Variants in ARHGAP18 observed in about 807,000 individuals in gnomAD.
ARHGAP18 encodes the protein Rho GTPase activating protein 18.
In ARHGAP18, 67 loss-of-function variants were observed where a neutral mutation model predicts 86.2. That is an observed-to-expected ratio of 0.78 (90% CI 0.64 to 0.95). The LOEUF is 0.95. ARHGAP18 is among the 40% of genes least tolerant of loss of function. The probability of loss-of-function intolerance (pLI) is 0.00; values close to 1 mark genes in which losing one functional copy is unlikely to be tolerated. For missense variants in ARHGAP18, 691 were observed against 780.4 expected (o/e 0.89, Z 1.37); for synonymous variants, 283 against 280.4 (o/e 1.01, Z -0.09).
chr6:129,683,062 T>G (rs1314362415), intron 1 of ARHGAP18, among the ~76,000 whole-genome samples: 9 of 150,662 alleles, frequency 6.0e-5, no homozygotes, highest in Non-Finnish European at 1.0e-4. Flanking sequence ...TTTCTTTTTT[T>G]TTTTTTGTTT....
chr6:129,634,370 A>T (rs953748187), intron 3 of ARHGAP18, among the ~76,000 whole-genome samples: 2 of 152,206 alleles, frequency 1.3e-5, no homozygotes, highest in African/African-American at 2.4e-5. Flanking sequence ...CAAGAATGCT[A>T]CTATGGAGGG....
intron 1 of ARHGAP18, among the ~76,000 whole-genome samples, chr6:129,659,857 G>T (rs902269419): frequency 6.6e-6 from 1 of 152,172 alleles, no homozygotes; most frequent in African/African-American, 2.4e-5. Flanking sequence ...GAAGGGATCC[G>T]TTGAAGGCTC....
intron 13 of ARHGAP18, among the ~76,000 whole-genome samples, chr6:129,581,645 C>A (rs1256893387): frequency 6.6e-6 from 1 of 152,178 alleles, no homozygotes; most frequent in Non-Finnish European, 1.5e-5. Flanking sequence ...TCAACAAATT[C>A]ATCGTTAAAG....
At chr6:129,676,584 T>G (rs561982979) in intron 1 of ARHGAP18, among the ~76,000 whole-genome samples, 9 of 152,272 alleles carry the variant, frequency 5.9e-5, no homozygotes, top group Non-Finnish European at 1.2e-4. Flanking sequence ...GAGCTTAATA[T>G]TATACCCCTT....
chr6:129,701,042 C>A (rs1774702015), intron 1 of ARHGAP18, among the ~76,000 whole-genome samples: 1 of 149,562 alleles, frequency 6.7e-6, no homozygotes, highest in African/African-American at 2.5e-5. Flanking sequence ...CCTCAATGAA[C>A]TTACATCTGA....
intron 5 of ARHGAP18, among the ~76,000 whole-genome samples, chr6:129,625,028 GATATATATTTATATAATATATAT>G (rs1789320992): frequency 1.5e-5 from 1 of 67,524 alleles, no homozygotes; most frequent in Non-Finnish European, 2.7e-5. Flanking sequence ...TATGATATAT[GATATATATTTATATAATATATAT>G]GATTGATATA....
chr6:129,634,036 A>G lies in ARHGAP18; in HGVS notation c.616+6T>C. 1 of 1,609,954 alleles carries G rather than the reference A, an allele frequency of 6.2e-7. No homozygotes were observed. Among genetic ancestry groups the G allele is most frequent in the South Asian group, 1.1e-5 (1 of 90,260 alleles). On this transcript the variant is annotated splice_donor_region_variant and intron_variant, in intron 4 of 14. Coordinates refer to ENST00000368149, the MANE Select transcript of ARHGAP18 (RefSeq NM_033515.3). ...AAAAAAAAACAAGAGAACAGGTTCA[A>G]CATACCATCTCTTCCTTGGTATTTG...
rs77600850 is a variant in ARHGAP18 at position 129,635,331 on chromosome 6, G to A, written c.553-1226C>T. Among the ~76,000 whole-genome samples, 405 of 152,258 alleles carry A rather than the reference G, an allele frequency of 2.7e-3. 3 individuals carry two copies. The highest frequency in any genetic ancestry group is 9.2e-3 in the African/African-American group (382 of 41,534). On this transcript the variant is annotated intron_variant, in intron 3 of 14. Transcript: ENST00000368149. ...CCTAGAAAAGCACTAGGCTAGGGAC[G>A]TCTAGGCTATTAATGCACCACTTAG...
intron 12 of ARHGAP18, among the ~76,000 whole-genome samples, chr6:129,592,488 C>T (rs1368939517): frequency 3.3e-5 from 5 of 152,196 alleles, no homozygotes; most frequent in Admixed American, 6.5e-5. Context: ...CAGCAAGTCA[C>T]GTAAGCTCTC....
At chr6:129,636,884 C>G (rs1773343456) in intron 3 of ARHGAP18, among the ~76,000 whole-genome samples, 1 of 152,146 alleles carries the variant, frequency 6.6e-6, no homozygotes, top group Non-Finnish European at 1.5e-5. Flanking sequence ...CCATCTAGAT[C>G]CGCTGATTTT....
At chr6:129,612,848 A>C (rs564331916) in intron 7 of ARHGAP18, among the ~76,000 whole-genome samples, 7 of 152,332 alleles carry the variant, frequency 4.6e-5, no homozygotes, top group Admixed American at 1.3e-4. Flanking sequence ...GTAAGAACTA[A>C]GCATAGCAGT....
intron 1 of ARHGAP18, among the ~76,000 whole-genome samples, chr6:129,681,377 G>A (rs1306739917): frequency 6.6e-6 from 1 of 152,264 alleles, no homozygotes; most frequent in South Asian, 2.1e-4. Flanking sequence ...CGCCCAGCTA[G>A]AAGTATTTCT....
intron 1 of ARHGAP18, chr6:129,661,996 C>A (rs1162586824): frequency 1.2e-6 from 1 of 848,768 alleles, no homozygotes; most frequent in African/African-American, 1.8e-5. Context: ...ACACACAGAA[C>A]ACAAAGCCCC....
chr6:129,702,740 C>T (rs72988835), intron 1 of ARHGAP18, among the ~76,000 whole-genome samples: 8,211 of 152,272 alleles, frequency 0.054, 367 homozygotes, highest in East Asian at 0.22. Flanking sequence ...TGGCTCACGC[C>T]TGTAATCCCA....
In ARHGAP18 at chr6:129,577,312, AG is replaced by A. The variant is rs1490811130; in HGVS notation, c.*1200del. 6.6e-6 allele frequency: 1 copy of A among 152,188 alleles called. No individual in the cohort carries two copies. The highest frequency in any genetic ancestry group is 1.5e-5 in the Non-Finnish European group (1 of 68,024). 9.4% of individuals were successfully genotyped at this position (152,188 alleles called of 1,614,324 possible). The stretch of plus-strand genomic sequence containing the variant: ...TAGTTTTTCCTAAAGTACTACTAAA[AG>A]TATCATGAACACCGTTTGTGCAGCA... On this transcript the variant is annotated 3_prime_UTR_variant, in exon 15 of 15. Coordinates refer to ENST00000368149, the MANE Select transcript of ARHGAP18 (RefSeq NM_033515.3).
At chr6:129,636,886 G>C (rs1342014794) in intron 3 of ARHGAP18, among the ~76,000 whole-genome samples, 1 of 152,116 alleles carries the variant, frequency 6.6e-6, no homozygotes, top group African/African-American at 2.4e-5. Context: ...ATCTAGATCC[G>C]CTGATTTTTT....
intron 5 of ARHGAP18, among the ~76,000 whole-genome samples, chr6:129,623,006 CAAAAAAA>C (rs57274879): frequency 0.01 from 407 of 39,740 alleles, 1 homozygote; most frequent in Admixed American, 0.024. Context: ...CATCTCAAAA[CAAAAAAA>C]AAAAAAAAAA....
chr6:129,684,103 G>A (rs543048318), intron 1 of ARHGAP18, among the ~76,000 whole-genome samples: 2 of 152,312 alleles, frequency 1.3e-5, no homozygotes, highest in African/African-American at 4.8e-5. Flanking sequence ...AGCAGGCCTG[G>A]GGAGAGAGAT....
chr6:129,686,495 G>A (rs1389667900), intron 1 of ARHGAP18, among the ~76,000 whole-genome samples: 4 of 152,160 alleles, frequency 2.6e-5, no homozygotes, highest in African/African-American at 7.2e-5. Context: ...GGTTCCCTGC[G>A]CAGGTAAGCT....
Sources: allele counts gnomAD v4.1 joint callset (sites outside exome capture counted in the v4.1 genomes callset), GRCh38; gene constraint gnomAD v4.1.1; transcripts MANE v1.5; gene names NCBI Gene and HGNC (gene_info 2026-07-23, HGNC 2026-07-21).